MFSD12: variants seen among roughly 807,000 people sequenced by gnomAD.
MFSD12 encodes the protein major facilitator superfamily domain-containing protein 12.
A neutral mutation model predicts 51.2 loss-of-function variants in MFSD12; 67 were observed. The observed-to-expected ratio is 1.31, with a 90% CI of 1.08 to 1.60. MFSD12 has a LOEUF of 1.60. MFSD12 is among the 40% of genes most tolerant of loss of function. The pLI is 0.00. For synonymous variants in MFSD12, 441 were observed against 316.7 expected (o/e 1.39, Z -4.17); for missense variants, 921 against 673.0 (o/e 1.37, Z -4.08).
chr19:3,539,175 G>T, intron 4 of MFSD12: 1 of 1,549,464 alleles, frequency 6.5e-7, no homozygotes, highest in Admixed American at 2.0e-5. Flanking sequence ...GATCCAGGCA[G>T]ACATGCAAAC....
downstream of MFSD12, chr19:3,539,429 G>A (rs2030175566): frequency 5.1e-6 from 3 of 589,428 alleles, no homozygotes; most frequent in Non-Finnish European, 9.2e-6. Context: ...TCCGGCCAGT[G>A]GCCGCTCACT....
At position 3,544,903 on chromosome 19, in the gene MFSD12, GT is replaced by G; in HGVS notation, c.1325del (p.Tyr442SerfsTer8). ...ELCCRACVSFYHWAMVAVTGG... is the reference protein window; with the variant it reads ...ELCCRACVSFXHWAMVAVTGG... Reference sequence around the variant, plus strand: ...CCGTCACAGCCACCATCGCCCAGTGGTAAAAGCTCACGCAGGCCCTGCAGCA... The same window carrying G: ...CCGTCACAGCCACCATCGCCCAGTGGAAAAGCTCACGCAGGCCCTGCAGCA... On this transcript the variant is annotated frameshift_variant, in exon 9 of 10. Transcript: ENST00000355415. LOFTEE classifies it high-confidence loss of function. The G allele has an allele frequency of 2.4e-5, 38 of 1,611,360 alleles. No individual in the cohort carries two copies. The highest frequency in any genetic ancestry group is 3.2e-5 in the Non-Finnish European group (38 of 1,179,410).
rs560383361 is a variant in MFSD12, at chr19:3,550,207, C to G, written c.509+777G>C. 7.9e-5 allele frequency among the ~76,000 whole-genome samples: 12 copies of G among 152,266 alleles called. 1 individual carries two copies. The highest frequency in any genetic ancestry group is 2.1e-4 in the South Asian group (1 of 4,820). On this transcript the variant is annotated intron_variant, in intron 2 of 9. Coordinates refer to ENST00000355415, the MANE Select transcript of MFSD12 (RefSeq NM_174983.5). ...CCCTGAAGCCCAACAGCCCTCTCCC[C>G]CTAGCTCAGCCATGCTGGACTCCTG...
chr19:3,542,238 A>C, downstream of MFSD12: 1 of 985,440 alleles, frequency 1.0e-6, no homozygotes, highest in Non-Finnish European at 1.2e-6. Context: ...GGGGTCCCTC[A>C]AACAGGCTCT....
rs566259855 is a variant in MFSD12 at position 3,544,265 on chromosome 19, C to T, written c.*445G>A. The T allele has an allele frequency of 2.3e-6, 3 of 1,313,504 alleles. No homozygotes were observed. Among genetic ancestry groups the T allele is most frequent in the South Asian group, 2.3e-5 (1 of 44,348 alleles). The allele number at this position is 1,313,504 out of a possible 1,614,324, so 81.4% of individuals were successfully genotyped here. A position where few individuals can be genotyped will look rare whatever the true frequency, so the allele number is the denominator to read the frequency against. On this transcript the variant is annotated 3_prime_UTR_variant, in exon 10 of 10. Transcript: ENST00000355415. ...CCTGCCGGGCAGCCCTGCTGCCCAC[C>T]ACGGTGGGGTCCAGGCCCAGCCCAC... is the stretch of plus-strand genomic sequence containing the variant.
chr19:3,543,703 TCC>T, downstream of MFSD12: 1 of 1,508,168 alleles, frequency 6.6e-7, no homozygotes, highest in Non-Finnish European at 8.9e-7. Context: ...GCAGGGTGGG[TCC>T]TTGGGAGGCC....
At position 3,546,084 on chromosome 19, in the gene MFSD12, G is replaced by A. The variant is rs749717061; in HGVS notation, c.1279C>T (p.His427Tyr). The A allele has an allele frequency of 6.2e-7, 1 of 1,613,336 alleles. No homozygotes were observed. Among genetic ancestry groups the A allele is most frequent in the Non-Finnish European group, 8.5e-7 (1 of 1,179,950 alleles). Residue 427 changes from histidine to tyrosine, a missense_variant, in exon 8 of 10, where the codon CAC (histidine) becomes TAC (tyrosine). By Grantham distance (83) the His-to-Tyr change is moderately conservative. Coordinates refer to ENST00000355415, the MANE Select transcript of MFSD12 (RefSeq NM_174983.5). ...AACAGCGGCACTCACGGGCAAGGGT[G>A]CAGGCTCTGGATGGCCATGACTGCC... ...GLAVMAIQSL[H>Y]PCPSELCCRA...
Position 3,551,795 on chromosome 19 carries a change from C to T in MFSD12, c.299-601G>A, listed in dbSNP as rs947203636. 3.3e-5 allele frequency among the ~76,000 whole-genome samples: 5 copies of T among 152,176 alleles called. No individual in the cohort carries two copies. Among genetic ancestry groups the T allele is most frequent in the Non-Finnish European group, 7.4e-5 (5 of 68,018 alleles). ...CGCAGCCCACGGAGCCCTTTGCGAC[C>T]TGCCCTGTCCCCTCCGTGCCCTGCC... On this transcript the variant is annotated intron_variant, in intron 1 of 9. Coordinates refer to ENST00000355415, the MANE Select transcript of MFSD12 (RefSeq NM_174983.5). The surrounding 1 kb of genome is among the most constrained non-coding windows in gnomAD (Gnocchi z 4.6).
rs1052794420 is a variant in MFSD12, at chr19:3,551,792, G to A, written c.299-598C>T. On this transcript the variant is annotated intron_variant, in intron 1 of 9. Transcript: ENST00000355415. The surrounding 1 kb of genome is among the most constrained non-coding windows in gnomAD (Gnocchi z 4.6). ...CCCCGCAGCCCACGGAGCCCTTTGCGACCTGCCCTGTCCCCTCCGTGCCCT... is the reference window on the plus strand; with the variant it reads ...CCCCGCAGCCCACGGAGCCCTTTGCAACCTGCCCTGTCCCCTCCGTGCCCT... Among the ~76,000 whole-genome samples the A allele has an allele frequency of 4.6e-5, 7 of 152,200 alleles. No homozygotes were observed. In the East Asian group the frequency reaches 7.7e-4, roughly 17 times the overall value.
At chr19:3,538,649 C>CGTGAGTGCGTG (rs113259909) in exon 5 of MFSD12, 1 of 468,856 alleles carries the variant, frequency 2.1e-6, no homozygotes, top group Non-Finnish European at 4.4e-6. Flanking sequence ...CGTTCCAGCA[C>CGTGAGTGCGTG]GGTGGCGGCG....
At chr19:3,543,382 C>G (rs201844208), downstream of MFSD12, 10,267 of 1,549,292 alleles carry the variant, frequency 6.6e-3, 54 homozygotes, top group Non-Finnish European at 8.2e-3. Context: ...AAGCCTGGTA[C>G]AACCTGCCAC....
chr19:3,550,391 CTTTTTG>C (rs1362505114), intron 2 of MFSD12, among the ~76,000 whole-genome samples: 1 of 151,498 alleles, frequency 6.6e-6, no homozygotes, highest in Non-Finnish European at 1.5e-5. Context: ...TCTACAAAAA[CTTTTTG>C]TTTTTTTTTT....
chr19:3,549,616 G>A (rs1469134516), intron 2 of MFSD12, among the ~76,000 whole-genome samples: 1 of 151,784 alleles, frequency 6.6e-6, no homozygotes, highest in South Asian at 2.1e-4. Flanking sequence ...CCAGCTACTC[G>A]GGAGGCTGAG....
At chr19:3,538,743 G>A (rs377708993) in exon 5 of MFSD12, 13 of 486,446 alleles carry the variant, frequency 2.7e-5, no homozygotes, top group South Asian at 6.1e-5. Context: ...GAGCCACTGC[G>A]TGCAGGTCTC....
At chr19:3,550,938 A>AGCCGGGGCCC (rs767704599) in intron 2 of MFSD12, 46 bp downstream of exon 2, 30 of 1,555,264 alleles carry the variant, frequency 1.9e-5, no homozygotes, top group Non-Finnish European at 2.6e-5. Context: ...TGATACACCG[A>AGCCGGGGCCC]GCCGGGGCCC....
chr19:3,555,507 C>T (rs564278957), intron 1 of MFSD12, among the ~76,000 whole-genome samples: 1 of 152,332 alleles, frequency 6.6e-6, no homozygotes, highest in South Asian at 2.1e-4. Context: ...AACGTAACCA[C>T]AAAGGAAGGG....
downstream of MFSD12, chr19:3,543,618 C>T (rs762661366): frequency 5.2e-6 from 8 of 1,544,250 alleles, no homozygotes; most frequent in South Asian, 3.6e-5. Context: ...CAGTACCAGG[C>T]CCCCAGCACC....
intron 6 of MFSD12, 34 bp from the exon 7 acceptor site, chr19:3,546,459 A>C: frequency 6.3e-7 from 1 of 1,576,448 alleles, no homozygotes; most frequent in Non-Finnish European, 8.6e-7. Context: ...GGCCCACACC[A>C]CTGGGTGCCC....
At chr19:3,550,954 G>A in intron 2 of MFSD12, 30 bp downstream of exon 2, 2 of 1,591,170 alleles carry the variant, frequency 1.3e-6, no homozygotes, top group South Asian at 1.1e-5. Context: ...GGCCCACCCT[G>A]CCCGTGGGGG....
Sources: gnomAD v4.1 joint callset for allele counts (sites outside exome capture counted in the v4.1 genomes callset) on GRCh38, gnomAD v4.1.1 for gene constraint, Gnocchi (gnomAD v3.1) non-coding constraint, MANE v1.5 for transcripts, NCBI Gene and HGNC (gene_info 2026-07-23, HGNC 2026-07-21) for gene names.